IL1RAPL1: variants seen among roughly 807,000 people sequenced by gnomAD.
IL1RAPL1 encodes the protein interleukin-1 receptor accessory protein-like 1.
In IL1RAPL1, 3 loss-of-function variants were observed where a neutral mutation model predicts 48.4. The ratio of observed to expected loss-of-function variants is 0.06; its 90% CI spans 0.03 to 0.16. IL1RAPL1 has a LOEUF of 0.16. Among genes scored for constraint, IL1RAPL1 ranks in the 10% least tolerant of loss-of-function variants. The pLI, the probability that IL1RAPL1 is intolerant of heterozygous loss-of-function variation, is 1.00. For synonymous variants in IL1RAPL1, 185 were observed against 187.7 expected (o/e 0.99, Z 0.12); for missense variants, 349 against 530.6 (o/e 0.66, Z 3.36).
intron 2 of IL1RAPL1, among the ~76,000 whole-genome samples, chrX:28,828,604 ATCT>A (rs2147284864): frequency 8.9e-6 from 1 of 111,810 alleles, no homozygotes; most frequent in African/African-American, 3.2e-5. Flanking sequence ...AACATTCCAA[ATCT>A]TCTCTTCTAG....
rs1024661052 is a variant in IL1RAPL1, at chrX:29,581,519, A to G, written c.704-86911A>G. On this transcript the variant is annotated intron_variant, in intron 5 of 10. Coordinates refer to ENST00000378993, the MANE Select transcript of IL1RAPL1 (RefSeq NM_014271.4). ...ACTGTCAGATGGGGAAATGAGACAC[A>G]ATTGTTTCCTGGATTCTATTATTGT... is the stretch of plus-strand genomic sequence containing the variant. 8.9e-5 allele frequency among the ~76,000 whole-genome samples: 10 copies of G among 111,969 alleles called. No homozygotes were observed. The South Asian group carries it at 1.1e-3, about 12-fold the overall frequency.
intron 6 of IL1RAPL1, among the ~76,000 whole-genome samples, chrX:29,806,080 T>C (rs895810578): frequency 2.8e-4 from 31 of 110,285 alleles, no homozygotes; most frequent in Non-Finnish European, 5.5e-4. Context: ...TACAGCTGAT[T>C]CAGTTGAAGG....
At chrX:28,777,035 A>G (rs1936369689) in intron 1 of IL1RAPL1, among the ~76,000 whole-genome samples, 2 of 112,197 alleles carry the variant, frequency 1.8e-5, no homozygotes, top group African/African-American at 6.5e-5. Flanking sequence ...TCGTGGCTCA[A>G]AACAACATAG....
At chrX:28,666,930 A>T (rs1379703527) in intron 1 of IL1RAPL1, among the ~76,000 whole-genome samples, 1 of 112,089 alleles carries the variant, frequency 8.9e-6, no homozygotes, top group Non-Finnish European at 1.9e-5. Context: ...CTACTAATTT[A>T]TCCAGCAGTG....
intron 3 of IL1RAPL1, among the ~76,000 whole-genome samples, chrX:29,352,056 G>A (rs768054576): frequency 1.8e-5 from 2 of 111,447 alleles, no homozygotes; most frequent in South Asian, 7.5e-4. Context: ...AAATAATTTT[G>A]TTCAAATCAG....
chrX:29,639,259 C>T (rs1250666165), intron 5 of IL1RAPL1, among the ~76,000 whole-genome samples: 3 of 109,448 alleles, frequency 2.7e-5, no homozygotes, highest in African/African-American at 9.9e-5. Context: ...CCAGTTTTCT[C>T]TGCTGTTTCA....
intron 2 of IL1RAPL1, among the ~76,000 whole-genome samples, chrX:29,031,101 A>G (rs1371922839): frequency 8.9e-6 from 1 of 112,133 alleles, no homozygotes; most frequent in African/African-American, 3.2e-5. Flanking sequence ...TTAGTGGTTT[A>G]CTTTTGATGA....
intron 2 of IL1RAPL1, among the ~76,000 whole-genome samples, chrX:28,896,537 G>T (rs1922923195): frequency 9.0e-6 from 1 of 111,206 alleles, no homozygotes; most frequent in Non-Finnish European, 1.9e-5. Context: ...AGAGGAAATT[G>T]CTGGGCAGGT....
chrX:28,661,976 T>TA (rs967029123), intron 1 of IL1RAPL1, among the ~76,000 whole-genome samples: 4 of 111,608 alleles, frequency 3.6e-5, no homozygotes, highest in African/African-American at 1.3e-4. Flanking sequence ...GGAGAAGTAT[T>TA]AAAAATATTC....
chrX:28,701,150 A>T (rs1021212302), intron 1 of IL1RAPL1, among the ~76,000 whole-genome samples: 6 of 111,619 alleles, frequency 5.4e-5, no homozygotes, highest in African/African-American at 2.0e-4. Context: ...CAATGGTTGA[A>T]CTAATTTACA....
At chrX:28,873,698 A>AT (rs1555933970) in intron 2 of IL1RAPL1, among the ~76,000 whole-genome samples, 7 of 106,200 alleles carry the variant, frequency 6.6e-5, no homozygotes, top group African/African-American at 2.4e-4. Context: ...CAGCCGGCTA[A>AT]TTTTTTGTAT....
At chrX:29,650,653 C>A (rs1357445785) in intron 5 of IL1RAPL1, among the ~76,000 whole-genome samples, 1 of 110,410 alleles carries the variant, frequency 9.1e-6, no homozygotes, top group Non-Finnish European at 1.9e-5. Flanking sequence ...AAAGGTAAGA[C>A]CCACAAGTGT....
rs748009594 is a variant in IL1RAPL1 at position 29,777,094 on chromosome X, A to G, written c.778+108590A>G. Among the ~76,000 whole-genome samples, 8 of 112,180 alleles carry G rather than the reference A, an allele frequency of 7.1e-5. No individual in the cohort carries two copies. The South Asian group carries it at 2.2e-3, about 31-fold the overall frequency. On this transcript the variant is annotated intron_variant, in intron 6 of 10. Coordinates refer to ENST00000378993, the MANE Select transcript of IL1RAPL1 (RefSeq NM_014271.4). ...ATTTTGGCAGTAATCACGCATGTCA[A>G]TCTTGCAATGAGGAGCTATCGGATT...
intron 1 of IL1RAPL1, among the ~76,000 whole-genome samples, chrX:28,678,285 C>T (rs910046391): frequency 1.4e-4 from 15 of 111,077 alleles, no homozygotes; most frequent in African/African-American, 4.6e-4. Context: ...GACTTTGGCT[C>T]GGTAGTGGTG....
In IL1RAPL1 at chrX:29,952,629, G is replaced by A. The variant is rs889734834; in HGVS notation, c.1202-1893G>A. Reference sequence around the variant, plus strand: ...ACTAAAGTGTTTACATCAATGAGTGGTACAATTATAGATTGTACTGGCCTA... The same window carrying A: ...ACTAAAGTGTTTACATCAATGAGTGATACAATTATAGATTGTACTGGCCTA... On this transcript the variant is annotated intron_variant, in intron 9 of 10. Transcript: ENST00000378993. Among the ~76,000 whole-genome samples the A allele has an allele frequency of 2.7e-5, 3 of 111,859 alleles. No individual in the cohort carries two copies. In the South Asian group the frequency reaches 1.1e-3, roughly 41 times the overall value.
intron 5 of IL1RAPL1, among the ~76,000 whole-genome samples, chrX:29,440,541 G>C (rs1178923926): frequency 8.9e-6 from 1 of 111,848 alleles, no homozygotes; most frequent in Non-Finnish European, 1.9e-5. Context: ...ATTCATAAGA[G>C]AGGAGCTACC....
intron 2 of IL1RAPL1, among the ~76,000 whole-genome samples, chrX:29,185,192 A>T (rs1313687270): frequency 8.9e-6 from 1 of 112,735 alleles, no homozygotes; most frequent in East Asian, 2.8e-4. Flanking sequence ...TGAATCACTA[A>T]GTAAAAGTTT....
At chrX:28,836,671 A>T (rs1013738065) in intron 2 of IL1RAPL1, among the ~76,000 whole-genome samples, 1 of 110,301 alleles carries the variant, frequency 9.1e-6, no homozygotes, top group Non-Finnish European at 1.9e-5. Flanking sequence ...AGGTCACACG[A>T]TCTACGAGAA....
At chrX:29,242,686 T>C (rs1352828716) in intron 2 of IL1RAPL1, among the ~76,000 whole-genome samples, 1 of 112,262 alleles carries the variant, frequency 8.9e-6, no homozygotes, top group Non-Finnish European at 1.9e-5. Context: ...CGAATAGCAT[T>C]AATAACAACA....
Sources: gnomAD v4.1 joint callset for allele counts (sites outside exome capture counted in the v4.1 genomes callset) on GRCh38, gnomAD v4.1.1 for gene constraint, MANE v1.5 for transcripts, NCBI Gene and HGNC (gene_info 2026-07-23, HGNC 2026-07-21) for gene names.